CSMD1: variants seen among roughly 807,000 people sequenced by gnomAD.
CSMD1 encodes the protein CUB and sushi domain-containing protein 1.
CSMD1 carries 213 observed loss-of-function variants against 417.5 expected under a neutral mutation model. That is an observed-to-expected ratio of 0.51 (90% CI 0.46 to 0.57). CSMD1 has a LOEUF of 0.57. Among genes scored for constraint, CSMD1 ranks in the 20% least tolerant of loss-of-function variants. The pLI is 0.00. For synonymous variants in CSMD1, 2,862 were observed against 1,736.8 expected (o/e 1.65, Z -16.11); for missense variants, 6,923 against 4,529.7 (o/e 1.53, Z -15.17).
chr8:4,323,277 G>T (rs1799372552), intron 3 of CSMD1, among the ~76,000 whole-genome samples: 1 of 152,094 alleles, frequency 6.6e-6, no homozygotes, highest in African/African-American at 2.4e-5. Context: ...TTCTGTAGCA[G>T]GTTCAACAGA....
At chr8:4,365,648 A>C (rs1802026682) in intron 3 of CSMD1, among the ~76,000 whole-genome samples, 1 of 152,222 alleles carries the variant, frequency 6.6e-6, no homozygotes, top group Non-Finnish European at 1.5e-5. Context: ...GAATTTTAAC[A>C]GTTGCTTCCT....
chr8:4,958,202 A>G (rs897250815), intron 1 of CSMD1, among the ~76,000 whole-genome samples: 9 of 152,170 alleles, frequency 5.9e-5, no homozygotes, highest in African/African-American at 2.2e-4. Flanking sequence ...CTGTTTCCAC[A>G]TTATATTTTT....
chr8:3,056,635 G>A (rs1812245887), intron 49 of CSMD1, among the ~76,000 whole-genome samples: 1 of 152,124 alleles, frequency 6.6e-6, no homozygotes, highest in African/African-American at 2.4e-5. Context: ...CTCCCAAAGT[G>A]CTGGGATTAC....
At chr8:4,811,996 A>G (rs553118985) in intron 1 of CSMD1, among the ~76,000 whole-genome samples, 12 of 152,330 alleles carry the variant, frequency 7.9e-5, no homozygotes, top group Admixed American at 7.8e-4. Flanking sequence ...GAAAGACAGA[A>G]AGTAACAGCT....
intron 5 of CSMD1, among the ~76,000 whole-genome samples, chr8:3,885,416 C>G (rs889455416): frequency 2.6e-5 from 4 of 152,026 alleles, no homozygotes; most frequent in Non-Finnish European, 5.9e-5. Flanking sequence ...GGACAATATC[C>G]CATCACAGGA....
intron 1 of CSMD1, among the ~76,000 whole-genome samples, chr8:4,796,558 C>T (rs1195898979): frequency 6.6e-6 from 1 of 151,544 alleles, no homozygotes; most frequent in African/African-American, 2.4e-5. Context: ...TAGAGAGCAC[C>T]CCTGTCTCCC....
chr8:3,776,809 T>C (rs1275077958), intron 5 of CSMD1, among the ~76,000 whole-genome samples: 1 of 148,852 alleles, frequency 6.7e-6, no homozygotes, highest in African/African-American at 2.5e-5. Flanking sequence ...ATAGACGAGA[T>C]ATATATATAT....
Position 4,420,014 on chromosome 8 carries a change from G to A in CSMD1, c.354C>T (p.Leu118=), listed in dbSNP as rs747910034. 1.4e-5 allele frequency: 23 copies of A among 1,587,036 alleles called. No homozygotes were observed. Among genetic ancestry groups the A allele is most frequent in the Middle Eastern group, 1.7e-4 (1 of 6,050 alleles). ...CGAAGTCTGTCGTGAACCACAGAGT[G>A]AGGATAGATCCTGTACTCACTATAG... ...PSSIVSTGSI[L]TLWFTTDFAV... is the part of the protein sequence containing the mutation. Residue 118 remains leucine, a synonymous_variant, in exon 3 of 70, where the codon CTC becomes CTT. Transcript: ENST00000635120.
chr8:3,492,620 G>T (rs564026738), intron 11 of CSMD1, among the ~76,000 whole-genome samples: 1 of 152,218 alleles, frequency 6.6e-6, no homozygotes, highest in Non-Finnish European at 1.5e-5. Context: ...TAAACCAGGT[G>T]TGATAAAATG....
chr8:3,896,625 C>T (rs888598380), intron 5 of CSMD1, among the ~76,000 whole-genome samples: 1 of 152,052 alleles, frequency 6.6e-6, no homozygotes, highest in Admixed American at 6.6e-5. Context: ...CATTCTCCTG[C>T]CTCAGCCTCC....
At chr8:4,464,022 T>C (rs918177293) in intron 2 of CSMD1, among the ~76,000 whole-genome samples, 5 of 152,102 alleles carry the variant, frequency 3.3e-5, no homozygotes, top group African/African-American at 9.7e-5. Flanking sequence ...ATGACACCTA[T>C]ATTAATTCAG....
intron 18 of CSMD1, among the ~76,000 whole-genome samples, chr8:3,387,205 C>T (rs574467209): frequency 2.0e-4 from 30 of 152,270 alleles, no homozygotes; most frequent in African/African-American, 6.3e-4. Flanking sequence ...GCCCCACGTG[C>T]CAGTTTCAAT....
At chr8:4,533,809 T>C (rs1796957682) in intron 2 of CSMD1, among the ~76,000 whole-genome samples, 1 of 151,510 alleles carries the variant, frequency 6.6e-6, no homozygotes, top group South Asian at 2.1e-4. Context: ...TTCTATATTT[T>C]ATATTTATAT....
Position 4,261,479 on chromosome 8 carries a change from C to T in CSMD1, c.415+158474G>A, listed in dbSNP as rs1336893123. On this transcript the variant is annotated intron_variant, in intron 3 of 69. Coordinates refer to ENST00000635120, the MANE Select transcript of CSMD1 (RefSeq NM_033225.6). ...TTCGAAGATGCATCAGCCCTGGGATCTAATGTACAGCATGGTTACTTTAGC... is the reference window on the plus strand; with the variant it reads ...TTCGAAGATGCATCAGCCCTGGGATTTAATGTACAGCATGGTTACTTTAGC... Among the ~76,000 whole-genome samples, 7 of 152,192 alleles carry T rather than the reference C, an allele frequency of 4.6e-5. No homozygotes were observed. In the South Asian group the frequency reaches 6.2e-4, roughly 14 times the overall value.
intron 3 of CSMD1, among the ~76,000 whole-genome samples, chr8:4,184,112 T>C (rs1364707543): frequency 1.3e-5 from 2 of 152,236 alleles, no homozygotes. Flanking sequence ...GAATGTTAAC[T>C]ATAATTTCTA....
chr8:4,956,178 A>C (rs1026579930), intron 1 of CSMD1, among the ~76,000 whole-genome samples: 3 of 151,968 alleles, frequency 2.0e-5, no homozygotes, highest in Non-Finnish European at 2.9e-5. Context: ...TTTCTTTTCT[A>C]CTTGGGGCCA....
chr8:3,325,309 G>A (rs552029175), intron 23 of CSMD1, among the ~76,000 whole-genome samples: 1 of 152,306 alleles, frequency 6.6e-6, no homozygotes, highest in Non-Finnish European at 1.5e-5. Flanking sequence ...AGAAGAATGG[G>A]AAAATATTCT....
At chr8:4,831,920 G>A (rs1207575867) in intron 1 of CSMD1, among the ~76,000 whole-genome samples, 1 of 151,986 alleles carries the variant, frequency 6.6e-6, no homozygotes, top group Non-Finnish European at 1.5e-5. Context: ...ACACTCCCCT[G>A]AAAGCTGGGA....
At chr8:3,810,130 C>T (rs571271667) in intron 5 of CSMD1, among the ~76,000 whole-genome samples, 1 of 152,280 alleles carries the variant, frequency 6.6e-6, no homozygotes, top group African/African-American at 2.4e-5. Context: ...GCCAAGAGTG[C>T]TCCCAGGCCC....
Sources: allele counts gnomAD v4.1 joint callset (sites outside exome capture counted in the v4.1 genomes callset), GRCh38; gene constraint gnomAD v4.1.1; transcripts MANE v1.5; gene names NCBI Gene and HGNC (gene_info 2026-07-23, HGNC 2026-07-21).